Variants in ZBBX observed in about 807,000 individuals in gnomAD.
The protein encoded by ZBBX is zinc finger B-box domain containing.
A neutral mutation model predicts 108.5 loss-of-function variants in ZBBX; 101 were observed. The ratio of observed to expected loss-of-function variants is 0.93; its 90% CI spans 0.79 to 1.10. ZBBX has a LOEUF of 1.10. Among genes scored for constraint, ZBBX ranks in the 50% least tolerant of loss-of-function variants. ZBBX has a pLI of 0.00. For missense variants in ZBBX, 1,009 were observed against 941.4 expected (o/e 1.07, Z -0.94); for synonymous variants, 356 against 323.4 (o/e 1.10, Z -1.08).
intron 9 of ZBBX, among the ~76,000 whole-genome samples, chr3:167,339,852 T>C (rs1162127916): frequency 6.6e-6 from 1 of 151,972 alleles, no homozygotes; most frequent in Non-Finnish European, 1.5e-5. Flanking sequence ...CCGGTGTGTG[T>C]TGTTTCATTC....
intron 19 of ZBBX, 113 bp from the exon 20 acceptor site, chr3:167,282,608 G>C: frequency 1.1e-6 from 1 of 903,566 alleles, no homozygotes; most frequent in Non-Finnish European, 1.7e-6. Context: ...ATGTAACAGA[G>C]TTTATGAAAA....
At chr3:167,188,533 A>G in the ZBBX span, among the ~76,000 whole-genome samples, 1 of 152,210 alleles carries the variant, frequency 6.6e-6, no homozygotes, top group Non-Finnish European at 1.5e-5. Context: ...TGTGATCAGC[A>G]TAAGAAAAAA....
intron 8 of ZBBX, among the ~76,000 whole-genome samples, chr3:167,355,967 T>C (rs1743500222): frequency 1.3e-5 from 2 of 152,080 alleles, no homozygotes; most frequent in African/African-American, 2.4e-5. Flanking sequence ...GTCTGGGACA[T>C]CCTTCTTCTT....
At chr3:167,266,328 T>G (rs1448382747) in intron 20 of ZBBX, among the ~76,000 whole-genome samples, 1 of 152,148 alleles carries the variant, frequency 6.6e-6, no homozygotes, top group Non-Finnish European at 1.5e-5. Flanking sequence ...TCTTTGTGAG[T>G]CTCTCTTCAA....
intron 15 of ZBBX, among the ~76,000 whole-genome samples, chr3:167,314,438 C>G (rs895602967): frequency 6.6e-6 from 1 of 151,954 alleles, no homozygotes; most frequent in Admixed American, 6.6e-5. Context: ...CTCTTTCAAG[C>G]TCATTAAAAT....
At chr3:167,301,176 C>A (rs6809843) in intron 17 of ZBBX, among the ~76,000 whole-genome samples, 1 of 151,844 alleles carries the variant, frequency 6.6e-6, no homozygotes, top group African/African-American at 2.4e-5. Context: ...AGTGACACAC[C>A]TGTTACATTA....
intron 10 of ZBBX, among the ~76,000 whole-genome samples, chr3:167,328,507 T>A (rs930484177): frequency 6.6e-6 from 1 of 151,948 alleles, no homozygotes; most frequent in Non-Finnish European, 1.5e-5. Context: ...TTAATGTAAA[T>A]CTGATCAGAC....
intron 16 of ZBBX, among the ~76,000 whole-genome samples, chr3:167,308,747 G>T (rs1256747800): frequency 6.6e-6 from 1 of 152,112 alleles, no homozygotes; most frequent in African/African-American, 2.4e-5. Flanking sequence ...AAGCTAAATG[G>T]TGAGAACACA....
At chr3:167,342,318 T>C (rs1277338503) in intron 9 of ZBBX, among the ~76,000 whole-genome samples, 2 of 151,780 alleles carry the variant, frequency 1.3e-5, no homozygotes, top group African/African-American at 4.8e-5. Context: ...CATGATTGAC[T>C]AAAGGTTCAG....
At chr3:167,340,950 G>A (rs564043956) in intron 9 of ZBBX, among the ~76,000 whole-genome samples, 1 of 151,880 alleles carries the variant, frequency 6.6e-6, no homozygotes, top group Non-Finnish European at 1.5e-5. Context: ...TCTAAAAACA[G>A]ATATGGTATT....
At chr3:167,180,071 G>A in the ZBBX span, among the ~76,000 whole-genome samples, 1 of 151,934 alleles carries the variant, frequency 6.6e-6, no homozygotes, top group Middle Eastern at 3.4e-3. Context: ...TTAGTATGTG[G>A]AAGAAAAAGC....
At position 167,378,567 on chromosome 3, in the gene ZBBX, T is replaced by C. The variant is rs141999572; in HGVS notation, c.-132+1071A>G. On this transcript the variant is annotated intron_variant, in intron 2 of 21. Coordinates refer to ENST00000675490, the MANE Select transcript of ZBBX (RefSeq NM_001199201.2). ...AATTTGCAGGATATTAAACAAAAGGTGTCTGATTTGTGACTTGACTTGTCA... is the reference window on the plus strand; with the variant it reads ...AATTTGCAGGATATTAAACAAAAGGCGTCTGATTTGTGACTTGACTTGTCA... 3.9e-3 allele frequency among the ~76,000 whole-genome samples: 587 copies of C among 152,194 alleles called. 8 individuals carry two copies. Among genetic ancestry groups the C allele is most frequent in the African/African-American group, 0.013 (547 of 41,528 alleles).
chr3:167,278,571 A>C (rs1483998576), intron 20 of ZBBX, among the ~76,000 whole-genome samples: 4 of 149,348 alleles, frequency 2.7e-5, no homozygotes, highest in African/African-American at 1.0e-4. Context: ...ATCTCTGAAT[A>C]GACCAATAAC....
At chr3:167,191,055 G>A in the ZBBX span, among the ~76,000 whole-genome samples, 1 of 152,200 alleles carries the variant, frequency 6.6e-6, no homozygotes, top group Non-Finnish European at 1.5e-5. Context: ...GAGACTTGCA[G>A]AGACCTACCA....
chr3:167,258,742 T>A (rs1723953386), intron 20 of ZBBX, among the ~76,000 whole-genome samples: 1 of 152,224 alleles, frequency 6.6e-6, no homozygotes, highest in Non-Finnish European at 1.5e-5. Context: ...AGGTGATTTT[T>A]GTTTTAATTC....
At chr3:167,390,379 A>G (rs1362741795) in intron 1 of ZBBX, among the ~76,000 whole-genome samples, 6 of 151,988 alleles carry the variant, frequency 3.9e-5, no homozygotes, top group Admixed American at 2.6e-4. Flanking sequence ...TTTGTAGTAT[A>G]CCATAGACTT....
intron 20 of ZBBX, among the ~76,000 whole-genome samples, chr3:167,256,348 A>G: frequency 2.0e-5 from 3 of 152,214 alleles, no homozygotes; most frequent in East Asian, 3.9e-4. Context: ...AGGTGTATAT[A>G]TTTATGGGGT....
intron 16 of ZBBX, among the ~76,000 whole-genome samples, chr3:167,308,656 T>C (rs1734075679): frequency 6.6e-6 from 1 of 152,180 alleles, no homozygotes; most frequent in South Asian, 2.1e-4. Flanking sequence ...TGCATGGACA[T>C]GGATGGAGCT....
downstream of ZBBX, among the ~76,000 whole-genome samples, chr3:167,239,249 G>A (rs149039298): frequency 8.6e-5 from 13 of 152,040 alleles, no homozygotes; most frequent in East Asian, 1.7e-3. Context: ...TCCCACCCAC[G>A]TTATGTAAAC....
Sources: gnomAD v4.1 joint callset for allele counts (sites outside exome capture counted in the v4.1 genomes callset) on GRCh38, gnomAD v4.1.1 for gene constraint, MANE v1.5 for transcripts, NCBI Gene and HGNC (gene_info 2026-07-23, HGNC 2026-07-21) for gene names.